WWOX: variants seen among roughly 807,000 people sequenced by gnomAD.
The protein encoded by WWOX is WW domain containing oxidoreductase, also known as WW domain-containing oxidoreductase.
WWOX carries 69 observed loss-of-function variants against 46.2 expected under a neutral mutation model. The observed-to-expected ratio is 1.49, with a 90% CI of 1.23 to 1.82. The LOEUF (loss-of-function observed/expected upper bound fraction) is 1.82. Ranked by LOEUF, WWOX falls within the 40% of genes most tolerant of loss-of-function variation. The probability of loss-of-function intolerance (pLI) is 0.00; values close to 1 mark genes in which losing one functional copy is unlikely to be tolerated. For missense variants in WWOX, 919 were observed against 542.6 expected (o/e 1.69, Z -6.89); for synonymous variants, 359 against 202.6 (o/e 1.77, Z -6.56).
At chr16:78,679,707 C>T (rs1461487205) in intron 8 of WWOX, among the ~76,000 whole-genome samples, 1 of 152,170 alleles carries the variant, frequency 6.6e-6, no homozygotes, top group Non-Finnish European at 1.5e-5. Flanking sequence ...GACAGAAGCT[C>T]CTTATTTTTA....
chr16:78,122,914 A>C (rs761799338), intron 4 of WWOX, among the ~76,000 whole-genome samples: 1 of 152,102 alleles, frequency 6.6e-6, no homozygotes, highest in East Asian at 1.9e-4. Context: ...GGTGTTGTAC[A>C]TATTTCCTTT....
At chr16:78,394,800 G>A (rs2082248764) in intron 6 of WWOX, among the ~76,000 whole-genome samples, 1 of 152,176 alleles carries the variant, frequency 6.6e-6, no homozygotes, top group Admixed American at 6.5e-5. Flanking sequence ...ATTGGCCAGG[G>A]GCCATAGTAT....
chr16:78,384,038 G>T (rs751174433), intron 5 of WWOX, among the ~76,000 whole-genome samples: 4 of 152,180 alleles, frequency 2.6e-5, no homozygotes, highest in Non-Finnish European at 5.9e-5. Flanking sequence ...GGGCTAGTTG[G>T]CTGTGCTATC....
At chr16:78,951,105 C>T (rs946465500) in intron 8 of WWOX, among the ~76,000 whole-genome samples, 6 of 152,214 alleles carry the variant, frequency 3.9e-5, no homozygotes, top group Non-Finnish European at 8.8e-5. Context: ...CAGTAACAAA[C>T]ACAGCCCTAA....
intron 5 of WWOX, among the ~76,000 whole-genome samples, chr16:78,337,555 A>G (rs907862791): frequency 6.6e-6 from 1 of 152,206 alleles, no homozygotes; most frequent in Admixed American, 6.5e-5. Context: ...TGTTCAATGC[A>G]TAATGACAGG....
chr16:78,300,512 C>A (rs954383390), intron 5 of WWOX, among the ~76,000 whole-genome samples: 2 of 151,878 alleles, frequency 1.3e-5, no homozygotes, highest in African/African-American at 4.8e-5. Context: ...TCCCTCTCCC[C>A]TCTCCCTTCT....
rs1444811626 is a variant in WWOX at position 78,144,195 on chromosome 16, A to C, written c.410-19988A>C. Among the ~76,000 whole-genome samples, 5 of 151,720 alleles carry C rather than the reference A, an allele frequency of 3.3e-5. No individual in the cohort carries two copies. The East Asian group carries it at 7.8e-4, about 24-fold the overall frequency. On this transcript the variant is annotated intron_variant, in intron 4 of 8. Transcript: ENST00000566780. ...TTGTCTATTACAAGCTGTTTTAAAT[A>C]GTTTTCGGTAGTGGCTGGGGCACTA... is the stretch of plus-strand genomic sequence containing the variant.
chr16:78,285,405 G>T (rs1304022053), intron 5 of WWOX, among the ~76,000 whole-genome samples: 1 of 151,942 alleles, frequency 6.6e-6, no homozygotes, highest in African/African-American at 2.4e-5. Context: ...CTGTACTCCA[G>T]CTGGGTAACA....
intron 8 of WWOX, among the ~76,000 whole-genome samples, chr16:79,140,361 G>T (rs992274444): frequency 6.6e-6 from 1 of 152,162 alleles, no homozygotes; most frequent in African/African-American, 2.4e-5. Context: ...AGTTAGAATT[G>T]AATCGAACTT....
chr16:78,989,820 G>GTGTGTGTT (rs2046848285), intron 8 of WWOX, among the ~76,000 whole-genome samples: 2 of 80,262 alleles, frequency 2.5e-5, no homozygotes, highest in Non-Finnish European at 5.9e-5. Flanking sequence ...TGGTGTGTGA[G>GTGTGTGTT]CGTGTGTGTG....
At chr16:78,137,290 G>A (rs1452597562) in intron 4 of WWOX, among the ~76,000 whole-genome samples, 5 of 152,122 alleles carry the variant, frequency 3.3e-5, no homozygotes, top group South Asian at 4.1e-4. Context: ...CTCACCCTCC[G>A]ATAACTAGAC....
chr16:78,848,919 C>T (rs1201755610), intron 8 of WWOX, among the ~76,000 whole-genome samples: 1 of 151,882 alleles, frequency 6.6e-6, no homozygotes, highest in Non-Finnish European at 1.5e-5. Flanking sequence ...TAGTACGCTT[C>T]TTTTTCTGCT....
intron 8 of WWOX, among the ~76,000 whole-genome samples, chr16:78,726,091 C>CCCTCCCTCCCTCCCTCCCTCTTCCTT (rs1488232402): frequency 8.7e-6 from 1 of 114,780 alleles, no homozygotes; most frequent in Non-Finnish European, 1.7e-5. Context: ...CCCTCTTCCT[C>CCCTCCCTCCCTCCCTCCCTCTTCCTT]CCTCCCTCCC....
At position 78,670,700 on chromosome 16, in the gene WWOX, TAG is replaced by T. The variant is rs551136516; in HGVS notation, c.1056+237951_1056+237952del. Among the ~76,000 whole-genome samples the T allele has an allele frequency of 1.7e-3, 261 of 152,112 alleles. 3 individuals are homozygous for T. The highest frequency in any genetic ancestry group is 2.6e-3 in the Non-Finnish European group (180 of 67,976). On this transcript the variant is annotated intron_variant, in intron 8 of 8. Transcript: ENST00000566780. ...AAAATTTTTATTTAAAAAACAGAGATAGAGTCTTGCCATCTTGCCCAGGCTAG... is the reference window on the plus strand; with the variant it reads ...AAAATTTTTATTTAAAAAACAGAGATAGTCTTGCCATCTTGCCCAGGCTAG...
chr16:79,148,742 C>G (rs2050224660), intron 8 of WWOX, among the ~76,000 whole-genome samples: 1 of 151,952 alleles, frequency 6.6e-6, no homozygotes, highest in Non-Finnish European at 1.5e-5. Context: ...TAGTATAAAC[C>G]CACTGGAGTG....
chr16:78,116,616 C>A (rs559240920), intron 4 of WWOX, among the ~76,000 whole-genome samples: 1 of 152,216 alleles, frequency 6.6e-6, no homozygotes, highest in East Asian at 1.9e-4. Flanking sequence ...GAAGTCAAAA[C>A]TGATGGCGTA....
At chr16:78,598,796 G>C (rs932763910) in intron 8 of WWOX, among the ~76,000 whole-genome samples, 2 of 152,160 alleles carry the variant, frequency 1.3e-5, no homozygotes, top group African/African-American at 4.8e-5. Context: ...CTTGGCTTTT[G>C]TGCTTGGTGA....
At chr16:78,146,220 T>C (rs2034192541) in intron 4 of WWOX, among the ~76,000 whole-genome samples, 1 of 152,162 alleles carries the variant, frequency 6.6e-6, no homozygotes, top group Non-Finnish European at 1.5e-5. Context: ...CTCCCGCTGC[T>C]GACAAGACCC....
intron 6 of WWOX, among the ~76,000 whole-genome samples, chr16:78,419,841 C>T (rs1428730397): frequency 2.0e-5 from 3 of 151,734 alleles, no homozygotes; most frequent in East Asian, 1.9e-4. Flanking sequence ...GATACCATCA[C>T]GAAAGTGTAC....
Sources: gnomAD v4.1 joint callset for allele counts (sites outside exome capture counted in the v4.1 genomes callset) on GRCh38, gnomAD v4.1.1 for gene constraint, MANE v1.5 for transcripts, NCBI Gene and HGNC (gene_info 2026-07-23, HGNC 2026-07-21) for gene names.